The following CNTN4 variants were observed in gnomAD, a reference collection of about 807,000 sequenced individuals.
CNTN4 encodes the protein contactin 4.
A neutral mutation model predicts 122.5 loss-of-function variants in CNTN4; 77 were observed. The observed-to-expected ratio is 0.63, with a 90% confidence interval of 0.52 to 0.76. The LOEUF is 0.76. CNTN4 is among the 30% of genes least tolerant of loss of function. The pLI is 0.00. For synonymous variants in CNTN4, 512 were observed against 447.0 expected (o/e 1.15, Z -1.83); for missense variants, 1,256 against 1,259.1 (o/e 1.00, Z 0.04).
intron 4 of CNTN4, among the ~76,000 whole-genome samples, chr3:2,675,770 A>C (rs1197230918): frequency 2.6e-5 from 4 of 152,218 alleles, no homozygotes; most frequent in Admixed American, 2.6e-4. Flanking sequence ...AAATACGAAC[A>C]CACGCTGCTC....
intron 3 of CNTN4, among the ~76,000 whole-genome samples, chr3:2,481,153 T>A (rs1225791616): frequency 5.3e-5 from 8 of 150,568 alleles, no homozygotes; most frequent in Non-Finnish European, 8.9e-5. Flanking sequence ...CTTTCTTTGT[T>A]TTTTTGAAAC....
rs192353748 is a variant in CNTN4 at position 2,837,528 on chromosome 3, G to A, written c.454+17947G>A. The stretch of plus-strand genomic sequence containing the variant: ...GTGCATTTCATCTGCACACAGCAAC[G>A]GTCAGACTACTTGGCTTTCTGCAGG... On this transcript the variant is annotated intron_variant, in intron 7 of 24. Transcript: ENST00000418658. Among the ~76,000 whole-genome samples the A allele has an allele frequency of 3.3e-5, 5 of 152,206 alleles. No individual in the cohort carries two copies. The East Asian group carries it at 7.7e-4, about 24-fold the overall frequency.
At chr3:2,587,863 A>G (rs2149626079) in intron 4 of CNTN4, among the ~76,000 whole-genome samples, 1 of 152,132 alleles carries the variant, frequency 6.6e-6, no homozygotes, top group South Asian at 2.1e-4. Flanking sequence ...TAGAAACCCA[A>G]GGAGTCTAGA....
At chr3:2,523,445 A>G (rs938949610) in intron 3 of CNTN4, among the ~76,000 whole-genome samples, 1 of 151,914 alleles carries the variant, frequency 6.6e-6, no homozygotes, top group Non-Finnish European at 1.5e-5. Context: ...GTTTTTCAGA[A>G]TCCATCAAGT....
chr3:2,697,086 TAAG>T lies in CNTN4; in HGVS notation c.56-39122_56-39120del, dbSNP rs767015810. Among the ~76,000 whole-genome samples, 267 of 152,328 alleles carry T rather than the reference TAAG, an allele frequency of 1.8e-3. 1 individual carries two copies. Among genetic ancestry groups the T allele is most frequent in the Non-Finnish European group, 1.0e-3 (68 of 68,032 alleles). Reference sequence around the variant, plus strand: ...TGAGTTCATGCATCCAGACTTGTGTTAAGAAGAAGGGTGACAAATTTAGAATTC... The same window carrying T: ...TGAGTTCATGCATCCAGACTTGTGTTAAGAAGGGTGACAAATTTAGAATTC... On this transcript the variant is annotated intron_variant, in intron 4 of 24. Transcript: ENST00000418658.
chr3:2,712,919 G>A (rs1312707141), intron 4 of CNTN4, among the ~76,000 whole-genome samples: 1 of 152,150 alleles, frequency 6.6e-6, no homozygotes, highest in Non-Finnish European at 1.5e-5. Context: ...ACCCAAGCAG[G>A]GCGTGGAAGC....
chr3:2,436,664 A>G (rs955446906), intron 3 of CNTN4, among the ~76,000 whole-genome samples: 1 of 151,958 alleles, frequency 6.6e-6, no homozygotes, highest in Non-Finnish European at 1.5e-5. Flanking sequence ...CAACTCTGAC[A>G]GCTATTTTAT....
At chr3:2,961,231 C>CAAAAAAAAAAAAAAA (rs59790353) in intron 13 of CNTN4, among the ~76,000 whole-genome samples, 1,149 of 36,994 alleles carry the variant, frequency 0.031, 62 homozygotes, top group Non-Finnish European at 0.034. Flanking sequence ...CTCCATCTCA[C>CAAAAAAAAAAAAAAA]AAAAAAAAAA....
chr3:2,924,161 AT>A (rs1413207900), intron 12 of CNTN4, among the ~76,000 whole-genome samples: 1 of 152,104 alleles, frequency 6.6e-6, no homozygotes, highest in Non-Finnish European at 1.5e-5. Flanking sequence ...TGACCTCTCC[AT>A]CTTTATTTGT....
At chr3:2,429,526 G>A (rs546181922) in intron 3 of CNTN4, among the ~76,000 whole-genome samples, 1 of 152,328 alleles carries the variant, frequency 6.6e-6, no homozygotes, top group South Asian at 2.1e-4. Context: ...CTACTTGGAG[G>A]TCAGGGACCC....
intron 12 of CNTN4, among the ~76,000 whole-genome samples, chr3:2,916,143 T>C (rs62232790): frequency 0.42 from 63,270 of 152,106 alleles, 13,497 homozygotes; most frequent in East Asian, 0.64. Flanking sequence ...GTACTGTACA[T>C]GTAAACATTG....
At chr3:2,213,885 A>G (rs1357514266) in intron 2 of CNTN4, among the ~76,000 whole-genome samples, 2 of 152,180 alleles carry the variant, frequency 1.3e-5, no homozygotes, top group East Asian at 3.9e-4. Context: ...AGAAGTTGGA[A>G]TGAGGTTGGC....
At chr3:2,100,247 TA>T (rs1390179997) in intron 1 of CNTN4, among the ~76,000 whole-genome samples, 1 of 152,280 alleles carries the variant, frequency 6.6e-6, no homozygotes, top group African/African-American at 2.4e-5. Flanking sequence ...GGAATCAACA[TA>T]GGGGCGGGCA....
chr3:2,744,735 C>T (rs1203023035), intron 5 of CNTN4, among the ~76,000 whole-genome samples: 1 of 152,132 alleles, frequency 6.6e-6, no homozygotes, highest in Non-Finnish European at 1.5e-5. Flanking sequence ...GAAATAAAAA[C>T]AAAAACATAG....
chr3:2,321,921 A>C (rs918438058), intron 2 of CNTN4, among the ~76,000 whole-genome samples: 13 of 152,014 alleles, frequency 8.6e-5, no homozygotes, highest in Non-Finnish European at 1.2e-4. Flanking sequence ...TGTATTAAAA[A>C]CCCACATTCA....
intron 3 of CNTN4, among the ~76,000 whole-genome samples, chr3:2,376,208 G>A (rs2045809995): frequency 1.3e-5 from 2 of 152,272 alleles, no homozygotes; most frequent in South Asian, 2.1e-4. Flanking sequence ...CATGTATCAG[G>A]CAGAAAATGA....
At chr3:2,497,884 C>T (rs2076494837) in intron 3 of CNTN4, among the ~76,000 whole-genome samples, 1 of 152,068 alleles carries the variant, frequency 6.6e-6, no homozygotes, top group African/African-American at 2.4e-5. Context: ...ATGATCGGCA[C>T]CACATAGACC....
intron 2 of CNTN4, among the ~76,000 whole-genome samples, chr3:2,293,867 C>T (rs1484233163): frequency 2.6e-5 from 4 of 152,030 alleles, no homozygotes; most frequent in Non-Finnish European, 5.9e-5. Context: ...CTTGCTGTGT[C>T]ACAAACCCCA....
intron 14 of CNTN4, among the ~76,000 whole-genome samples, chr3:3,009,460 G>A (rs1449717211): frequency 2.0e-5 from 3 of 151,296 alleles, no homozygotes; most frequent in Non-Finnish European, 2.9e-5. Context: ...TTGAGATGGA[G>A]TCTTGCTCTG....
Sources: allele counts gnomAD v4.1 joint callset (sites outside exome capture counted in the v4.1 genomes callset), GRCh38; gene constraint gnomAD v4.1.1; transcripts MANE v1.5; gene names NCBI Gene and HGNC (gene_info 2026-07-23, HGNC 2026-07-21).